Variants in NDUFAF6 observed in about 807,000 individuals in gnomAD.
NDUFAF6 encodes NADH:ubiquinone oxidoreductase complex assembly factor 6.
A neutral mutation model predicts 40.8 loss-of-function variants in NDUFAF6; 45 were observed. The ratio of observed to expected loss-of-function variants is 1.10; its 90% confidence interval spans 0.87 to 1.42. The LOEUF (loss-of-function observed/expected upper bound fraction) is 1.42, where lower values mean the gene tolerates loss of function less well. Among genes scored for constraint, NDUFAF6 ranks in the 40% most tolerant of loss-of-function variants. NDUFAF6 has a pLI of 0.00. For synonymous variants in NDUFAF6, 185 were observed against 155.9 expected (o/e 1.19, Z -1.39); for missense variants, 435 against 418.5 (o/e 1.04, Z -0.34).
intron 2 of NDUFAF6, among the ~76,000 whole-genome samples, chr8:95,101,711 G>C (rs894111619): frequency 6.6e-6 from 1 of 152,142 alleles, no homozygotes; most frequent in Non-Finnish European, 1.5e-5. Context: ...AACATTTCTT[G>C]TTATCTTAAT....
intron 3 of NDUFAF6, among the ~76,000 whole-genome samples, chr8:95,038,444 C>T (rs529644165): frequency 6.6e-6 from 1 of 151,856 alleles, no homozygotes; most frequent in Non-Finnish European, 1.5e-5. Context: ...AGTCTTGGCT[C>T]ACTGCAGCTT....
intron 2 of NDUFAF6, among the ~76,000 whole-genome samples, chr8:94,985,609 C>G (rs189830937): frequency 0.074 from 9,692 of 131,642 alleles, 541 homozygotes; most frequent in African/African-American, 0.16. Flanking sequence ...AATCTCAGCT[C>G]ACTGCAACCT....
chr8:95,052,735 T>C (rs577020119), intron 8 of NDUFAF6, among the ~76,000 whole-genome samples: 1 of 152,210 alleles, frequency 6.6e-6, no homozygotes, highest in African/African-American at 2.4e-5. Flanking sequence ...TTTAAAAATA[T>C]AGATTCCTGG....
chr8:94,897,280 A>G (rs922515234), intron 1 of NDUFAF6, among the ~76,000 whole-genome samples: 7 of 152,212 alleles, frequency 4.6e-5, no homozygotes, highest in African/African-American at 1.7e-4. Flanking sequence ...TGTTCTTTCC[A>G]TACCCTTGAC....
intron 2 of NDUFAF6, among the ~76,000 whole-genome samples, chr8:95,008,757 C>T (rs986320332): frequency 2.0e-5 from 3 of 152,172 alleles, no homozygotes; most frequent in Admixed American, 1.3e-4. Flanking sequence ...GATCTGCCCC[C>T]CTCAGCCTCC....
chr8:95,028,746 C>G (rs141487640), intron 1 of NDUFAF6, among the ~76,000 whole-genome samples: 1 of 152,064 alleles, frequency 6.6e-6, no homozygotes, highest in Non-Finnish European at 1.5e-5. Flanking sequence ...ATAACCAGTT[C>G]GGTGATGGAA....
At chr8:95,048,417 G>A (rs1307578514) in intron 6 of NDUFAF6, 40 bp from the exon 7 acceptor site, 1 of 1,413,570 alleles carries the variant, frequency 7.1e-7, no homozygotes, top group African/African-American at 1.4e-5. Context: ...GGAAGGAAGT[G>A]CTTTTAGGTT....
intron 1 of NDUFAF6, chr8:95,100,613 C>T (rs565816496): frequency 3.9e-4 from 59 of 152,256 alleles, no homozygotes; most frequent in African/African-American, 1.3e-3. Flanking sequence ...TTGGATTGGA[C>T]GTCTTTAGAA....
chr8:95,088,722 TG>T (rs1237238486), intron 2 of NDUFAF6, among the ~76,000 whole-genome samples: 1 of 82,766 alleles, frequency 1.2e-5, no homozygotes, highest in African/African-American at 6.4e-5. Context: ...TGTGTGTGTG[TG>T]TGTGTTTTCT....
chr8:94,982,208 G>C (rs532483141), intron 2 of NDUFAF6, among the ~76,000 whole-genome samples: 20 of 151,770 alleles, frequency 1.3e-4, no homozygotes, highest in Admixed American at 3.3e-4. Context: ...CTCCAGCCTG[G>C]GCAACAGAGC....
chr8:95,013,116 T>C (rs865975032), intron 2 of NDUFAF6, among the ~76,000 whole-genome samples: 9 of 152,020 alleles, frequency 5.9e-5, no homozygotes, highest in African/African-American at 1.9e-4. Flanking sequence ...CTTTTTTTTT[T>C]CTAGAGACAT....
At chr8:95,097,039 G>T (rs1035733683), upstream of NDUFAF6, among the ~76,000 whole-genome samples, 1 of 152,218 alleles carries the variant, frequency 6.6e-6, no homozygotes, top group Non-Finnish European at 1.5e-5. Context: ...CTAACAGGGG[G>T]TTAAGGAGAG....
upstream of NDUFAF6, among the ~76,000 whole-genome samples, chr8:95,098,014 T>C (rs1196414578): frequency 6.6e-6 from 1 of 151,770 alleles, no homozygotes; most frequent in Non-Finnish European, 1.5e-5. Flanking sequence ...GTGAGAGGAG[T>C]TTCCTTATTT....
At chr8:94,908,630 A>G (rs534931394) in intron 1 of NDUFAF6, among the ~76,000 whole-genome samples, 1 of 152,264 alleles carries the variant, frequency 6.6e-6, no homozygotes, top group South Asian at 2.1e-4. Flanking sequence ...TCAGCCTCCC[A>G]AAGTGCTGGG....
At position 95,035,561 on chromosome 8, in the gene NDUFAF6, C is replaced by A. The variant is rs1255807726; in HGVS notation, c.405C>A (p.Ala135=). 6 of 1,598,572 alleles carry A rather than the reference C, an allele frequency of 3.8e-6. No individual in the cohort carries two copies. Among genetic ancestry groups the A allele is most frequent in the African/African-American group, 1.4e-5 (1 of 70,308 alleles). ...ACAATCCACCACATCAGCCTGTGGCCATTGAACTATGGAAGGTAAAAAAAA... is the reference window on the plus strand; with the variant it reads ...ACAATCCACCACATCAGCCTGTGGCAATTGAACTATGGAAGGTAAAAAAAA... The part of the protein sequence containing the change: ...YCDNPPHQPV[A]IELWKAVKRH... The change falls in exon 3 of 9, where the codon GCC becomes GCA. Residue 135 remains alanine (A), a synonymous_variant. Transcript: ENST00000396124.
chr8:95,041,442 G>A, intron 3 of NDUFAF6, 128 bp from the exon 4 acceptor site: 2 of 681,094 alleles, frequency 2.9e-6, no homozygotes, highest in Non-Finnish European at 5.3e-6. Context: ...TAACATAGCT[G>A]TCTATATGGT....
rs560194345 is a variant in NDUFAF6 at position 94,907,807 on chromosome 8, A to T, written c.-936+11880A>T. On this transcript the variant is annotated intron_variant, in intron 1 of 14. Coordinates refer to the NDUFAF6 transcript ENST00000396113. The stretch of plus-strand genomic sequence containing the variant: ...AATTAGTAATAGTCTGGCTGATTCA[A>T]CCTTTCTTTTAGTCCTGTGACACAT... 1.9e-4 allele frequency among the ~76,000 whole-genome samples: 18 copies of T among 92,600 alleles called. No individual in the cohort carries two copies. In the East Asian group the frequency reaches 7.0e-3, roughly 36 times the overall value. 60.7% of individuals were successfully genotyped at this position (92,600 alleles called of 152,430 possible). A position where few individuals can be genotyped will look rare whatever the true frequency, so the allele number is the denominator to read the frequency against.
intron 4 of NDUFAF6, among the ~76,000 whole-genome samples, chr8:95,109,183 G>A (rs1809924692): frequency 6.6e-6 from 1 of 152,154 alleles, no homozygotes; most frequent in African/African-American, 2.4e-5. Context: ...CAGCTCACTT[G>A]TTAAAAATGT....
At chr8:95,089,476 A>G (rs764045438) in intron 2 of NDUFAF6, among the ~76,000 whole-genome samples, 1 of 151,398 alleles carries the variant, frequency 6.6e-6, no homozygotes, top group Non-Finnish European at 1.5e-5. Flanking sequence ...ATATATATAT[A>G]AAAGGGAGAG....
Sources: gnomAD v4.1 joint callset for allele counts (sites outside exome capture counted in the v4.1 genomes callset) on GRCh38, gnomAD v4.1.1 for gene constraint, MANE v1.5 for transcripts, NCBI Gene and HGNC (gene_info 2026-07-23, HGNC 2026-07-21) for gene names.